SYT9: variants seen among roughly 807,000 people sequenced by gnomAD.
The protein encoded by SYT9 is synaptotagmin 9, also known as synaptotagmin-9.
SYT9 carries 22 observed loss-of-function variants against 48.4 expected under a neutral mutation model. The ratio of observed to expected loss-of-function variants is 0.45; its 90% CI spans 0.32 to 0.65. The LOEUF is 0.65. Ranked by LOEUF, SYT9 falls within the 30% of genes least tolerant of loss-of-function variation. The pLI, the probability that SYT9 is intolerant of heterozygous loss-of-function variation, is 0.03. For missense variants in SYT9, 577 were observed against 622.0 expected (o/e 0.93, Z 0.77); for synonymous variants, 265 against 245.0 (o/e 1.08, Z -0.76).
At chr11:7,396,876 T>C (rs968432099) in intron 3 of SYT9, among the ~76,000 whole-genome samples, 4 of 152,222 alleles carry the variant, frequency 2.6e-5, no homozygotes, top group Non-Finnish European at 5.9e-5. Context: ...CTGAAATATA[T>C]GACTTCTATA....
intron 1 of SYT9, among the ~76,000 whole-genome samples, chr11:7,239,802 G>A (rs1847722546): frequency 6.6e-6 from 1 of 152,156 alleles, no homozygotes; most frequent in African/African-American, 2.4e-5. Flanking sequence ...AAGGAATGAT[G>A]CATTAGTTTA....
chr11:7,308,577 C>A (rs185735291), intron 2 of SYT9, among the ~76,000 whole-genome samples: 89 of 152,290 alleles, frequency 5.8e-4, no homozygotes, highest in African/African-American at 2.1e-3. Context: ...TCCTTATTGA[C>A]GTCTACAGCA....
At chr11:7,373,642 T>A (rs1396829012) in intron 3 of SYT9, among the ~76,000 whole-genome samples, 1 of 152,146 alleles carries the variant, frequency 6.6e-6, no homozygotes, top group East Asian at 1.9e-4. Flanking sequence ...CTACTGGCCC[T>A]GAGCCATGTA....
At chr11:7,351,205 A>G (rs768506911) in intron 3 of SYT9, among the ~76,000 whole-genome samples, 3 of 152,228 alleles carry the variant, frequency 2.0e-5, no homozygotes, top group Non-Finnish European at 2.9e-5. Flanking sequence ...GGGGAAAGAA[A>G]CTGAAAGCCC....
upstream of SYT9, among the ~76,000 whole-genome samples, chr11:7,247,640 C>T (rs868078701): frequency 2.8e-4 from 36 of 130,134 alleles, no homozygotes; most frequent in African/African-American, 5.9e-4. Flanking sequence ...TGTATATATA[C>T]GTGATATATA....
At chr11:7,344,532 G>C (rs1406493336) in intron 3 of SYT9, among the ~76,000 whole-genome samples, 1 of 151,814 alleles carries the variant, frequency 6.6e-6, no homozygotes, top group East Asian at 1.9e-4. Context: ...TATCATTTTA[G>C]CTCTTGCATT....
At position 7,252,039 on chromosome 11, in the gene SYT9, C is replaced by G; in HGVS notation, c.-148C>G. 2 of 967,850 alleles carry G rather than the reference C, an allele frequency of 2.1e-6. No individual in the cohort carries two copies. Among genetic ancestry groups the G allele is most frequent in the Non-Finnish European group, 2.8e-6 (2 of 724,114 alleles). The allele number at this position is 967,850 out of a possible 1,614,324, so 60.0% of individuals were successfully genotyped here. On this transcript the variant is annotated 5_prime_UTR_variant, in exon 1 of 7. Coordinates refer to ENST00000318881, the MANE Select transcript of SYT9 (RefSeq NM_175733.4). This position sits in a 1 kb window ranked among gnomAD's most constrained non-coding sequence, Gnocchi z 6.3. ...CGGTGGGAGGCCGGGCCGGCTGGGT[C>G]TGGGGCTCGGGCTCAGGCTCGCACC...
intron 3 of SYT9, among the ~76,000 whole-genome samples, chr11:7,378,236 A>C (rs1398466310): frequency 6.6e-6 from 1 of 152,134 alleles, no homozygotes; most frequent in Non-Finnish European, 1.5e-5. Flanking sequence ...GGGGGTTAAG[A>C]ATAGTTTAGC....
intron 3 of SYT9, among the ~76,000 whole-genome samples, chr11:7,353,104 C>G (rs1284176348): frequency 6.6e-6 from 1 of 152,170 alleles, no homozygotes; most frequent in African/African-American, 2.4e-5. Context: ...CAAATTCACC[C>G]TTCATTTTCT....
chr11:7,272,148 A>G (rs1412646340), intron 1 of SYT9, among the ~76,000 whole-genome samples: 1 of 152,120 alleles, frequency 6.6e-6, no homozygotes, highest in Non-Finnish European at 1.5e-5. Flanking sequence ...TGGTGTCTTA[A>G]TTTTCTTATC....
At chr11:7,282,642 G>A (rs1470293389) in intron 1 of SYT9, among the ~76,000 whole-genome samples, 1 of 152,038 alleles carries the variant, frequency 6.6e-6, no homozygotes, top group Non-Finnish European at 1.5e-5. Context: ...AGTGGCCATC[G>A]GGGTCCTCCA....
chr11:7,308,528 T>C (rs1224861434), intron 2 of SYT9, among the ~76,000 whole-genome samples: 1 of 152,250 alleles, frequency 6.6e-6, no homozygotes, highest in East Asian at 1.9e-4. Flanking sequence ...AGTCCCATTC[T>C]GCTAGAGAGG....
At position 7,253,000 on chromosome 11, in the gene SYT9, C is replaced by T. The variant is rs980567956; in HGVS notation, c.145+669C>T. ...CCGGCCACGATGGGGTTCGTAGACT[C>T]GTCGGTCCTGGCTTGTGCACCTGTA... On this transcript the variant is annotated intron_variant, in intron 1 of 6. Coordinates refer to ENST00000318881, the MANE Select transcript of SYT9 (RefSeq NM_175733.4). The surrounding 1 kb of genome is among the most constrained non-coding windows in gnomAD (Gnocchi z 6.3). Among the ~76,000 whole-genome samples, 1 of 152,322 alleles carries T rather than the reference C, an allele frequency of 6.6e-6. No individual in the cohort carries two copies. The highest frequency in any genetic ancestry group is 1.5e-5 in the Non-Finnish European group (1 of 68,026).
chr11:7,459,039 G>A (rs1438333564), intron 6 of SYT9, among the ~76,000 whole-genome samples: 1 of 152,200 alleles, frequency 6.6e-6, no homozygotes, highest in African/African-American at 2.4e-5. Context: ...CAAGGAACAT[G>A]GTGAGAAATG....
chr11:7,399,008 T>G (rs1284163250), intron 3 of SYT9, among the ~76,000 whole-genome samples: 3 of 152,182 alleles, frequency 2.0e-5, no homozygotes, highest in Non-Finnish European at 4.4e-5. Context: ...GACATATGTT[T>G]TACTCATTGT....
chr11:7,371,137 A>G (rs943263092), intron 3 of SYT9, among the ~76,000 whole-genome samples: 5 of 152,192 alleles, frequency 3.3e-5, no homozygotes, highest in Non-Finnish European at 7.4e-5. Context: ...ACTATCCAGT[A>G]AGATAAATTC....
intron 3 of SYT9, among the ~76,000 whole-genome samples, chr11:7,394,561 A>T (rs939538815): frequency 6.6e-6 from 1 of 152,040 alleles, no homozygotes; most frequent in Non-Finnish European, 1.5e-5. Context: ...GCTTGTTTAG[A>T]TCCCTCTTTT....
chr11:7,249,390 G>T (rs1366569662), upstream of SYT9, among the ~76,000 whole-genome samples: 1 of 152,322 alleles, frequency 6.6e-6, no homozygotes, highest in South Asian at 2.1e-4. Context: ...GAGGGGAACA[G>T]ACTTGACTTC....
intron 3 of SYT9, among the ~76,000 whole-genome samples, chr11:7,362,029 T>C (rs1179594511): frequency 6.6e-6 from 1 of 152,122 alleles, no homozygotes; most frequent in Non-Finnish European, 1.5e-5. Flanking sequence ...GCTAAAACTA[T>C]CAGGAAATAA....
Sources: gnomAD v4.1 joint callset for allele counts (sites outside exome capture counted in the v4.1 genomes callset) on GRCh38, gnomAD v4.1.1 for gene constraint, Gnocchi (gnomAD v3.1) non-coding constraint, MANE v1.5 for transcripts, NCBI Gene and HGNC (gene_info 2026-07-23, HGNC 2026-07-21) for gene names.